The following DST variants were observed in gnomAD, a reference collection of about 807,000 sequenced individuals.
DST encodes bullous pemphigoid antigen.
DST carries 253 observed loss-of-function variants against 875.2 expected under a neutral mutation model. The ratio of observed to expected loss-of-function variants is 0.29; its 90% CI spans 0.26 to 0.32. The LOEUF (loss-of-function observed/expected upper bound fraction) is 0.32, where lower values mean the gene tolerates loss of function less well. Among genes scored for constraint, DST ranks in the 10% least tolerant of loss-of-function variants. DST has a pLI of 1.00. For synonymous variants in DST, 3,124 were observed against 3,197.1 expected (o/e 0.98, Z 0.77); for missense variants, 8,287 against 9,111.6 (o/e 0.91, Z 3.68).
At chr6:56,549,809 C>A (rs564164495) in intron 61 of DST, among the ~76,000 whole-genome samples, 12 of 152,204 alleles carry the variant, frequency 7.9e-5, no homozygotes, top group African/African-American at 2.9e-4. Flanking sequence ...TAGGCTACAG[C>A]AAAGATGATT....
chr6:56,645,307 G>A (rs1398671812), intron 15 of DST, among the ~76,000 whole-genome samples: 2 of 152,068 alleles, frequency 1.3e-5, no homozygotes, highest in Non-Finnish European at 2.9e-5. Context: ...GTACCTTCCT[G>A]GGCAACTGGA....
intron 3 of DST, among the ~76,000 whole-genome samples, chr6:56,874,449 C>T (rs894671582): frequency 1.3e-5 from 2 of 152,226 alleles, no homozygotes; most frequent in African/African-American, 4.8e-5. Context: ...TTCTTTTCAT[C>T]CCTCTTATCA....
chr6:56,775,866 A>C (rs2099678014), intron 4 of DST, among the ~76,000 whole-genome samples: 1 of 152,224 alleles, frequency 6.6e-6, no homozygotes, highest in South Asian at 2.1e-4. Context: ...AGAAGAAAGA[A>C]GTTTCCTTCA....
At chr6:56,809,118 C>T in intron 4 of DST, among the ~76,000 whole-genome samples, 1 of 152,140 alleles carries the variant, frequency 6.6e-6, no homozygotes, top group East Asian at 1.9e-4. Flanking sequence ...ACCTCCCCAC[C>T]TTCTCTTGAA....
chr6:56,697,653 C>T lies in DST; in HGVS notation c.1047+2000G>A, dbSNP rs563940770. ...AACGAAACTTAATTCTACCTCCCTC[C>T]GAAGCCTGAATGCTTTCCATTGCCC... is the stretch of plus-strand genomic sequence containing the variant. On this transcript the variant is annotated intron_variant, in intron 9 of 103. Coordinates refer to ENST00000680361, the MANE Select transcript of DST (RefSeq NM_001374736.1). 8.5e-5 allele frequency among the ~76,000 whole-genome samples: 13 copies of T among 152,250 alleles called. No individual in the cohort carries two copies. The South Asian group carries it at 2.7e-3, about 32-fold the overall frequency.
At chr6:56,548,941 G>A (rs2097274004) in intron 61 of DST, among the ~76,000 whole-genome samples, 1 of 152,198 alleles carries the variant, frequency 6.6e-6, no homozygotes, top group African/African-American at 2.4e-5. Flanking sequence ...GAGTGAGTTA[G>A]GACATTTGGT....
chr6:56,794,471 T>C (rs2099736360), intron 4 of DST, among the ~76,000 whole-genome samples: 1 of 152,146 alleles, frequency 6.6e-6, no homozygotes, highest in Non-Finnish European at 1.5e-5. Context: ...AAGAACAAGT[T>C]GTACCTGACT....
Position 56,501,693 on chromosome 6 carries a change from G to T in DST, c.19567C>A (p.Gln6523Lys). 4 of 1,577,394 alleles carry T rather than the reference G, an allele frequency of 2.5e-6. No homozygotes were observed. The highest frequency in any genetic ancestry group is 3.4e-6 in the Non-Finnish European group (4 of 1,166,612). ...TVKQQIEELKQFKSEAYQQQI... is the reference protein window; with the variant it reads ...TVKQQIEELKKFKSEAYQQQI... ...TGTTGATAGGCCTCAGACTTAAATT[G>T]CTATTTTAAAAGAGATATACAAAGA... The change falls in exon 79 of 104, where the codon CAA becomes AAA. Residue 6523 changes from glutamine to lysine, a missense_variant and splice_region_variant. Gln to Lys is a moderately conservative substitution (Grantham distance 53, BLOSUM62 1). Transcript: ENST00000680361.
intron 69 of DST, among the ~76,000 whole-genome samples, chr6:56,522,499 C>G (rs1306047104): frequency 1.3e-5 from 2 of 152,158 alleles, no homozygotes; most frequent in African/African-American, 2.4e-5. Flanking sequence ...GCATTTCCTT[C>G]CACTTTGCTT....
intron 5 of DST, among the ~76,000 whole-genome samples, chr6:56,717,055 C>T (rs1432330249): frequency 2.0e-5 from 3 of 152,016 alleles, no homozygotes; most frequent in Non-Finnish European, 4.4e-5. Flanking sequence ...TGGTAGCAGG[C>T]GCCTGTAGTC....
rs747775037 is a variant in DST at position 56,601,521 on chromosome 6, A to C, written c.11463T>G (p.Asp3821Glu). 1 of 1,606,424 alleles carries C rather than the reference A, an allele frequency of 6.2e-7. No homozygotes were observed. Among genetic ancestry groups the C allele is most frequent in the African/African-American group, 1.3e-5 (1 of 74,802 alleles). ...CCTGGGTAGTTACTGACTCCTGTAC[A>C]TCAAGAAAACACTTCTGAGTTGTAT... ...LLNTTQKCFL[D>E]VQESVTTQVE... The change falls in exon 44 of 104, where the codon GAT becomes GAG. Residue 3821 changes from aspartate (D) to glutamate (E), a missense_variant. Coordinates refer to ENST00000680361, the MANE Select transcript of DST (RefSeq NM_001374736.1).
At position 56,526,347 on chromosome 6, in the gene DST, C is replaced by T. The variant is rs1367499981; in HGVS notation, c.18129+14G>A. On this transcript the variant is annotated intron_variant, in intron 69 of 103. Transcript: ENST00000680361. ...GAAAATTTATTGCCTAAACAACAAA[C>T]CATTTTTCCCTACCTGCTGTGATCG... is the stretch of plus-strand genomic sequence containing the variant. 6.2e-7 allele frequency: 1 copy of T among 1,612,914 alleles called. No homozygotes were observed. Among genetic ancestry groups the T allele is most frequent in the African/African-American group, 1.3e-5 (1 of 75,014 alleles).
Position 56,470,249 on chromosome 6 carries a change from A to G in DST, c.22355T>C (p.Val7452Ala). 1 of 1,610,598 alleles carries G rather than the reference A, an allele frequency of 6.2e-7. No homozygotes were observed. Among genetic ancestry groups the G allele is most frequent in the Non-Finnish European group, 8.5e-7 (1 of 1,178,194 alleles). ...FPTSRLEMSAVADIFDRDGDG... is the reference protein window; with the variant it reads ...FPTSRLEMSAAADIFDRDGDG... ...GCCATCTCTGTCAAAGATGTCTGCA[A>G]CTGCGCTCATCTCCAAGCGACTGGT... is the stretch of plus-strand genomic sequence containing the variant. The change falls in exon 96 of 104, where the codon GTT becomes GCT. Residue 7452 changes from valine (V) to alanine (A), a missense_variant. By Grantham distance (64) the Val-to-Ala change is moderately conservative. Around this residue, in one of 10 missense-constraint regions of DST, gnomAD observed 87 missense variants for 209.7 expected, o/e 0.41. Transcript: ENST00000680361.
intron 61 of DST, among the ~76,000 whole-genome samples, chr6:56,546,809 T>G (rs574004733): frequency 1.3e-5 from 2 of 152,168 alleles, no homozygotes; most frequent in Non-Finnish European, 2.9e-5. Context: ...CAACTTTCCA[T>G]ATTAATAAAA....
At chr6:56,879,649 C>T (rs990340423) in intron 3 of DST, among the ~76,000 whole-genome samples, 6 of 152,164 alleles carry the variant, frequency 3.9e-5, no homozygotes, top group Non-Finnish European at 8.8e-5. Flanking sequence ...TTATATCATT[C>T]ACTCCTTAAT....
intron 4 of DST, among the ~76,000 whole-genome samples, chr6:56,783,175 T>TGGTGC (rs932105822): frequency 3.3e-5 from 5 of 152,312 alleles, no homozygotes; most frequent in African/African-American, 1.2e-4. Flanking sequence ...AGGTGTGGTG[T>TGGTGC]GGTGCTGAAA....
At chr6:56,663,310 G>C (rs1016539766) in intron 10 of DST, among the ~76,000 whole-genome samples, 1 of 152,212 alleles carries the variant, frequency 6.6e-6, no homozygotes, top group Non-Finnish European at 1.5e-5. Flanking sequence ...CAATCATTTT[G>C]AGTTCACTTG....
At chr6:56,823,434 C>A (rs1036706150) in intron 4 of DST, among the ~76,000 whole-genome samples, 72 of 151,872 alleles carry the variant, frequency 4.7e-4, no homozygotes, top group African/African-American at 1.7e-3. Context: ...TTTTTTGAGA[C>A]AGAGTCTCGC....
In DST at chr6:56,571,194, C is replaced by T. The variant is rs536906883; in HGVS notation, c.13721+906G>A. ...AGTTACATCTGGCATGTGGATGACA[C>T]GTACATATATGCAAGCGTGCAGAAT... On this transcript the variant is annotated intron_variant, in intron 53 of 103. Coordinates refer to ENST00000680361, the MANE Select transcript of DST (RefSeq NM_001374736.1). Among the ~76,000 whole-genome samples, 21 of 152,262 alleles carry T rather than the reference C, an allele frequency of 1.4e-4. No homozygotes were observed. The South Asian group carries it at 4.1e-3, about 30-fold the overall frequency.
Sources: gnomAD v4.1 joint callset for allele counts (sites outside exome capture counted in the v4.1 genomes callset) on GRCh38, gnomAD v4.1.1 for gene constraint, gnomAD v4.1.1 regional missense constraint, MANE v1.5 for transcripts, NCBI Gene and HGNC (gene_info 2026-07-23, HGNC 2026-07-21) for gene names.